Variants in NCAPD3 observed in about 807,000 individuals in gnomAD.
NCAPD3 encodes non-SMC condensin II complex subunit D3.
In NCAPD3, 105 loss-of-function variants were observed where a neutral mutation model predicts 182.9. The ratio of observed to expected loss-of-function variants is 0.57; its 90% confidence interval spans 0.49 to 0.68. NCAPD3 has a LOEUF of 0.68. NCAPD3 is among the 30% of genes least tolerant of loss of function. The pLI, the probability that NCAPD3 is intolerant of heterozygous loss-of-function variation, is 0.00. For missense variants in NCAPD3, 1,944 were observed against 1,837.0 expected (o/e 1.06, Z -1.07); for synonymous variants, 815 against 679.9 (o/e 1.20, Z -3.09).
intron 16 of NCAPD3, 33 bp from the exon 17 acceptor site, chr11:134,185,559 C>A (rs1944387037): frequency 1.3e-6 from 2 of 1,523,594 alleles, no homozygotes; most frequent in African/African-American, 1.4e-5. Flanking sequence ...AGCAGAATTG[C>A]AACTGTAAAT....
chr11:134,225,099 A>G, upstream of NCAPD3: 1 of 1,580,160 alleles, frequency 6.3e-7, no homozygotes, highest in Non-Finnish European at 8.6e-7. Flanking sequence ...GTCCTTACCG[A>G]GACCCGCCCG....
chr11:134,153,366 G>C lies in NCAPD3; in HGVS notation c.4253-3C>G. Reference sequence around the variant, plus strand: ...AAACGTGACATCACTGATGCTCTCTGCATAAAGAGGAGACACCACTGAGTG... The same window carrying C: ...AAACGTGACATCACTGATGCTCTCTCCATAAAGAGGAGACACCACTGAGTG... On this transcript the variant is annotated splice_polypyrimidine_tract_variant and splice_region_variant and intron_variant, in intron 32 of 34. Transcript: ENST00000534548. The C allele has an allele frequency of 6.2e-7, 1 of 1,614,038 alleles. No individual in the cohort carries two copies. The highest frequency in any genetic ancestry group is 8.5e-7 in the Non-Finnish European group (1 of 1,179,948).
At chr11:134,172,514 C>T (rs1418232343) in intron 24 of NCAPD3, among the ~76,000 whole-genome samples, 1 of 152,164 alleles carries the variant, frequency 6.6e-6, no homozygotes, top group African/African-American at 2.4e-5. Flanking sequence ...CTTGTTGTTG[C>T]CCCCTTTTCT....
chr11:134,201,648 TG>T (rs1360408247), intron 13 of NCAPD3, among the ~76,000 whole-genome samples: 1 of 152,214 alleles, frequency 6.6e-6, no homozygotes, highest in Non-Finnish European at 1.5e-5. Context: ...ACTGGAAACA[TG>T]GGCTCTTTGC....
At position 134,157,955 on chromosome 11, in the gene NCAPD3, C is replaced by T. The variant is rs374827156; in HGVS notation, c.4147G>A (p.Gly1383Arg). ...LGVLPFTLNS[G>R]SPEKTCSQVS... The stretch of plus-strand genomic sequence containing the variant: ...TGACTGCACGTTTTTTCTGGGCTTC[C>T]AGAATTTAAAGTGAAAGGCAGCACT... Residue 1383 changes from glycine to arginine, a missense_variant, in exon 31 of 35, where the codon GGA becomes AGA. Gly to Arg is a moderately radical substitution (Grantham distance 125). Around this residue, in one of 3 missense-constraint regions of NCAPD3, gnomAD observed 1,803 missense variants for 1,674.6 expected, o/e 1.08. Transcript: ENST00000534548. 38 of 1,613,984 alleles carry T rather than the reference C, an allele frequency of 2.4e-5. No individual in the cohort carries two copies. In the African/African-American group the frequency reaches 4.4e-4, roughly 19 times the overall value.
chr11:134,181,891 G>A (rs1436955603), intron 19 of NCAPD3, among the ~76,000 whole-genome samples: 2 of 152,242 alleles, frequency 1.3e-5, no homozygotes, highest in East Asian at 1.9e-4. Flanking sequence ...CTGCTGATGT[G>A]CACGCACCTC....
chr11:134,165,135 G>A (rs891583906), intron 27 of NCAPD3, among the ~76,000 whole-genome samples: 11 of 151,634 alleles, frequency 7.3e-5, no homozygotes, highest in African/African-American at 2.7e-4. Flanking sequence ...TGAGCTTAGG[G>A]GAGCAGCACA....
intron 16 of NCAPD3, among the ~76,000 whole-genome samples, chr11:134,190,356 CTCA>C (rs1305315109): frequency 1.3e-5 from 2 of 152,322 alleles, no homozygotes; most frequent in East Asian, 3.8e-4. Context: ...GTTAATCATC[CTCA>C]TATCATTGTT....
chr11:134,222,315 A>C (rs1938261345), intron 1 of NCAPD3, among the ~76,000 whole-genome samples: 1 of 152,238 alleles, frequency 6.6e-6, no homozygotes, highest in African/African-American at 2.4e-5. Flanking sequence ...AGAAAATACT[A>C]GGGAAGCCAC....
At position 134,168,952 on chromosome 11, in the gene NCAPD3, C is replaced by T. The variant is rs763221532; in HGVS notation, c.3204G>A (p.Lys1068=). Residue 1068 remains lysine (K), a synonymous_variant, in exon 25 of 35, where the codon AAG becomes AAA. Coordinates refer to ENST00000534548, the MANE Select transcript of NCAPD3 (RefSeq NM_015261.3). ...GGGGGAACTTGTTGTACTTCTCATG[C>T]TTCTCATAGTTATTAAAGTGAAAAA... is the stretch of plus-strand genomic sequence containing the variant. ...ECIFHFNNYE[K]HEKYNKFPQS... is the part of the protein sequence containing the mutation. 5.6e-6 allele frequency: 9 copies of T among 1,613,892 alleles called. No homozygotes were observed. In the East Asian group the frequency reaches 1.6e-4, roughly 28 times the overall value.
intron 17 of NCAPD3, 97 bp downstream of exon 17, chr11:134,185,238 T>A (rs1335675382): frequency 1.8e-6 from 2 of 1,127,824 alleles, no homozygotes; most frequent in African/African-American, 3.2e-5. Context: ...AAGGTCTCTG[T>A]ATATGAATAG....
chr11:134,207,752 A>C (rs1438890764), intron 7 of NCAPD3, among the ~76,000 whole-genome samples: 1 of 151,466 alleles, frequency 6.6e-6, no homozygotes, highest in Non-Finnish European at 1.5e-5. Context: ...CAAAAAAAAA[A>C]AAAAAAAAAA....
chr11:134,157,212 A>AT, intron 31 of NCAPD3, 117 bp from the exon 32 acceptor site: 1 of 721,564 alleles, frequency 1.4e-6, no homozygotes, highest in East Asian at 2.8e-5. Context: ...AGTGTTTACA[A>AT]TTTTCTTATA....
intron 2 of NCAPD3, 65 bp downstream of exon 2, chr11:134,220,507 T>G (rs556347894): frequency 5.1e-5 from 75 of 1,483,004 alleles, no homozygotes; most frequent in Non-Finnish European, 6.6e-5. Flanking sequence ...CTTCAGATTA[T>G]AATAATGACT....
At chr11:134,195,699 C>A (rs928753125) in intron 13 of NCAPD3, among the ~76,000 whole-genome samples, 1 of 151,954 alleles carries the variant, frequency 6.6e-6, no homozygotes, top group East Asian at 1.9e-4. Flanking sequence ...CTGGGCAACA[C>A]ACCAAGACCC....
rs183083867 is a variant in NCAPD3, at chr11:134,213,406, A to G, written c.383-2952T>C. Among the ~76,000 whole-genome samples, 635 of 151,696 alleles carry G rather than the reference A, an allele frequency of 4.2e-3. 4 individuals carry two copies. The highest frequency in any genetic ancestry group is 0.015 in the African/African-American group (608 of 41,442). On this transcript the variant is annotated intron_variant, in intron 3 of 34. Transcript: ENST00000534548. Reference sequence around the variant, plus strand: ...ACGATCTCAACTCACTGCAACCTCTACTGCCTGGGTTCAAGCGATTCTCCT... The same window carrying G: ...ACGATCTCAACTCACTGCAACCTCTGCTGCCTGGGTTCAAGCGATTCTCCT...
intron 28 of NCAPD3, among the ~76,000 whole-genome samples, chr11:134,160,570 A>T (rs1450080650): frequency 6.6e-6 from 1 of 152,182 alleles, no homozygotes; most frequent in Non-Finnish European, 1.5e-5. Flanking sequence ...TAAGGCTCAA[A>T]TCCCATCTTT....
chr11:134,153,462 T>C, intron 32 of NCAPD3, 99 bp from the exon 33 acceptor site: 6 of 1,271,638 alleles, frequency 4.7e-6, no homozygotes, highest in African/African-American at 1.5e-5. Flanking sequence ...TCCACATCAG[T>C]GTCCCAGCGG....
chr11:134,223,239 G>A lies in NCAPD3; in HGVS notation c.64+624C>T, dbSNP rs896862640. 4 of 584,982 alleles carry A rather than the reference G, an allele frequency of 6.8e-6. No individual in the cohort carries two copies. In the African/African-American group the frequency reaches 7.4e-5, roughly 11 times the overall value. The allele number at this position is 584,982 out of a possible 1,614,324, so 36.2% of individuals were successfully genotyped here. ...GGATGGGCTGGCACAGTTAACATCA[G>A]AAAGCAGCTAAAATACTCCTGCAAT... On this transcript the variant is annotated intron_variant, in intron 1 of 34. Transcript: ENST00000534548.
Sources: gnomAD v4.1 joint callset for allele counts (sites outside exome capture counted in the v4.1 genomes callset) on GRCh38, gnomAD v4.1.1 for gene constraint, gnomAD v4.1.1 regional missense constraint, MANE v1.5 for transcripts, NCBI Gene and HGNC (gene_info 2026-07-23, HGNC 2026-07-21) for gene names.